Variants in PCDH7 observed in about 807,000 individuals in gnomAD.
The protein encoded by PCDH7 is protocadherin 7, also known as protocadherin-7.
PCDH7 carries 17 observed loss-of-function variants against 58.9 expected under a neutral mutation model. That is an observed-to-expected ratio of 0.29 (90% CI 0.20 to 0.43). The LOEUF (loss-of-function observed/expected upper bound fraction) is 0.43. Among genes scored for constraint, PCDH7 ranks in the 20% least tolerant of loss-of-function variants. The pLI is 1.00. For missense variants in PCDH7, 1,274 were observed against 1,441.0 expected, an observed-to-expected ratio of 0.88 and a Z score of 1.88; for synonymous variants, 664 against 616.4, an observed-to-expected ratio of 1.08 and a Z score of -1.14.
At chr4:31,069,775 T>C (rs932441371) in intron 3 of PCDH7, among the ~76,000 whole-genome samples, 9 of 130,146 alleles carry the variant, frequency 6.9e-5, no homozygotes, top group East Asian at 2.2e-4. Context: ...GTTGTACTTA[T>C]GTTAATTTTA....
chr4:30,724,683 C>T lies in PCDH7; in HGVS notation c.3174+87C>T, dbSNP rs778069209. On this transcript the variant is annotated intron_variant, in intron 1 of 1. Coordinates refer to ENST00000361762, the Ensembl canonical transcript of PCDH7. ...TATCTTCTGTAAAGTTTTGTCTTCT[C>T]GTTTTTAAAGTTATTAAAATTTTAA... The T allele has an allele frequency of 3.2e-5, 47 of 1,475,900 alleles. No individual in the cohort carries two copies. The East Asian group carries it at 8.8e-4, about 28-fold the overall frequency. 91.4% of individuals were successfully genotyped at this position (1,475,900 alleles called of 1,614,324 possible).
intron 1 of PCDH7, among the ~76,000 whole-genome samples, chr4:30,849,320 A>G (rs920534935): frequency 1.3e-5 from 2 of 152,158 alleles, no homozygotes; most frequent in Non-Finnish European, 2.9e-5. Context: ...AAGTTGAGAC[A>G]ACTTCCACAG....
intron 1 of PCDH7, among the ~76,000 whole-genome samples, chr4:30,842,814 C>T (rs1165734609): frequency 2.0e-5 from 3 of 152,058 alleles, no homozygotes; most frequent in African/African-American, 2.4e-5. Flanking sequence ...GGAGGAACCA[C>T]GAGAGGGACA....
At chr4:30,815,619 T>A (rs1414727935) in intron 1 of PCDH7, among the ~76,000 whole-genome samples, 1 of 152,224 alleles carries the variant, frequency 6.6e-6, no homozygotes, top group Admixed American at 6.5e-5. Flanking sequence ...GAGCACATGC[T>A]CATTTGAGGC....
intron 3 of PCDH7, among the ~76,000 whole-genome samples, chr4:31,105,740 G>T (rs894683890): frequency 1.3e-5 from 2 of 152,148 alleles, no homozygotes; most frequent in African/African-American, 2.4e-5. Context: ...AGGCGCAGTG[G>T]CTCACGCCTG....
chr4:30,769,659 A>T (rs540207850), intron 1 of PCDH7, among the ~76,000 whole-genome samples: 1 of 152,150 alleles, frequency 6.6e-6, no homozygotes, highest in Non-Finnish European at 1.5e-5. Flanking sequence ...ATTAAGATCC[A>T]CCCTGTTGTG....
intron 1 of PCDH7, among the ~76,000 whole-genome samples, chr4:30,830,492 G>T (rs1212079164): frequency 6.6e-6 from 1 of 151,934 alleles, no homozygotes; most frequent in Non-Finnish European, 1.5e-5. Context: ...AACATGTTTT[G>T]TTATTTTAGT....
intron 3 of PCDH7, among the ~76,000 whole-genome samples, chr4:30,960,974 G>C (rs1361937361): frequency 6.6e-6 from 1 of 152,156 alleles, no homozygotes; most frequent in Non-Finnish European, 1.5e-5. Context: ...TTTCATTAAA[G>C]AGTCTAGGTG....
chr4:30,830,797 T>A (rs1459918235), intron 1 of PCDH7, among the ~76,000 whole-genome samples: 1 of 152,098 alleles, frequency 6.6e-6, no homozygotes, highest in Non-Finnish European at 1.5e-5. Context: ...GTATTTGATC[T>A]CATTATTCCA....
At chr4:30,814,673 G>A (rs777864596) in intron 1 of PCDH7, among the ~76,000 whole-genome samples, 2 of 151,828 alleles carry the variant, frequency 1.3e-5, no homozygotes, top group South Asian at 4.2e-4. Flanking sequence ...ACAAAGATAT[G>A]GAAACAAATC....
intron 3 of PCDH7, among the ~76,000 whole-genome samples, chr4:31,002,543 G>C (rs989522478): frequency 6.6e-5 from 10 of 152,126 alleles, no homozygotes; most frequent in Non-Finnish European, 1.5e-4. Flanking sequence ...TTAGTTTCTG[G>C]TGCATGACTT....
At chr4:30,840,522 A>G (rs1731070703) in intron 1 of PCDH7, among the ~76,000 whole-genome samples, 1 of 152,178 alleles carries the variant, frequency 6.6e-6, no homozygotes, top group Admixed American at 6.6e-5. Flanking sequence ...AAAACAATAA[A>G]TATTTAAAAC....
chr4:30,942,001 G>A (rs1266777362), intron 2 of PCDH7, among the ~76,000 whole-genome samples: 1 of 151,802 alleles, frequency 6.6e-6, no homozygotes, highest in Non-Finnish European at 1.5e-5. Flanking sequence ...GGGTGAGGTG[G>A]AGGCCTGTAT....
intron 3 of PCDH7, among the ~76,000 whole-genome samples, chr4:31,134,877 G>A (rs531873964): frequency 6.6e-6 from 1 of 152,246 alleles, no homozygotes; most frequent in East Asian, 1.9e-4. Context: ...ATGCAAAGTT[G>A]TGACCTCTTA....
chr4:30,959,217 A>C (rs991209734), intron 3 of PCDH7, among the ~76,000 whole-genome samples: 8 of 151,894 alleles, frequency 5.3e-5, no homozygotes, highest in Admixed American at 4.6e-4. Context: ...TGAGGGGTGC[A>C]AAAAGGAACA....
intron 1 of PCDH7, among the ~76,000 whole-genome samples, chr4:30,760,777 A>C (rs1719922220): frequency 6.6e-6 from 1 of 152,182 alleles, no homozygotes; most frequent in Non-Finnish European, 1.5e-5. Flanking sequence ...GCATGGCTAT[A>C]CAGTGAGATT....
chr4:31,004,431 C>G lies in PCDH7; in HGVS notation c.*7+54216C>G, dbSNP rs779554534. ...CTGATCAATAAGAATAACATAAGGC[C>G]GGGCGTGGTGGCTTACACCTGTAAT... is the stretch of plus-strand genomic sequence containing the variant. On this transcript the variant is annotated intron_variant, in intron 3 of 3. Coordinates refer to the PCDH7 transcript ENST00000509759. Among the ~76,000 whole-genome samples the G allele has an allele frequency of 2.0e-5, 3 of 152,142 alleles. No homozygotes were observed. In the South Asian group the frequency reaches 6.2e-4, roughly 32 times the overall value.
intron 1 of PCDH7, among the ~76,000 whole-genome samples, chr4:30,839,573 C>G (rs1730951304): frequency 6.6e-6 from 1 of 152,032 alleles, no homozygotes; most frequent in Non-Finnish European, 1.5e-5. Context: ...AGAAATGTAA[C>G]ACTTACCCCA....
At chr4:31,115,040 AC>A (rs1716827007) in intron 3 of PCDH7, among the ~76,000 whole-genome samples, 1 of 152,114 alleles carries the variant, frequency 6.6e-6, no homozygotes, top group Non-Finnish European at 1.5e-5. Context: ...TTGGCATGGG[AC>A]GCAATGATTC....
Sources: allele counts gnomAD v4.1 joint callset (sites outside exome capture counted in the v4.1 genomes callset), GRCh38; gene constraint gnomAD v4.1.1; transcripts MANE v1.5; gene names NCBI Gene and HGNC (gene_info 2026-07-23, HGNC 2026-07-21).